The following PLEKHM3 variants were observed in gnomAD, a reference collection of about 807,000 sequenced individuals.
PLEKHM3 encodes pleckstrin homology domain-containing family M member 3.
Under a neutral mutation model 81.8 loss-of-function variants are expected in PLEKHM3, and 45 were observed. The ratio of observed to expected loss-of-function variants is 0.55; its 90% CI spans 0.43 to 0.71. The LOEUF (loss-of-function observed/expected upper bound fraction) is 0.71. PLEKHM3 is among the 30% of genes least tolerant of loss of function. The pLI is 0.00. For missense variants in PLEKHM3, 788 were observed against 924.3 expected (o/e 0.85, Z 1.91); for synonymous variants, 352 against 356.4 (o/e 0.99, Z 0.14).
At chr2:207,898,209 C>A (rs1156351314) in intron 6 of PLEKHM3, among the ~76,000 whole-genome samples, 1 of 152,164 alleles carries the variant, frequency 6.6e-6, no homozygotes, top group Non-Finnish European at 1.5e-5. Flanking sequence ...GTTTGGCCTG[C>A]AGAGTGTTTA....
chr2:207,865,801 A>AAAAATATATATATATAT, intron 6 of PLEKHM3, among the ~76,000 whole-genome samples: 1 of 25,290 alleles, frequency 4.0e-5, no homozygotes, highest in African/African-American at 2.1e-4. Context: ...AAAAAAAAAA[A>AAAAATATATATATATAT]AGATATATAT....
intron 7 of PLEKHM3, among the ~76,000 whole-genome samples, chr2:207,846,642 G>A (rs1242115545): frequency 6.6e-6 from 1 of 151,902 alleles, no homozygotes; most frequent in East Asian, 2.0e-4. Context: ...AGGATCGTTT[G>A]AGCCTGGGAG....
chr2:207,931,683 T>C (rs1265602064), intron 4 of PLEKHM3, among the ~76,000 whole-genome samples: 1 of 152,172 alleles, frequency 6.6e-6, no homozygotes, highest in Non-Finnish European at 1.5e-5. Flanking sequence ...AAAAAATAGG[T>C]AAATCAAGGC....
intron 1 of PLEKHM3, among the ~76,000 whole-genome samples, chr2:208,022,525 G>T (rs1693162230): frequency 6.6e-6 from 1 of 152,120 alleles, no homozygotes; most frequent in South Asian, 2.1e-4. Flanking sequence ...GTTCCTTGTG[G>T]CTTATGTCAG....
At chr2:207,888,719 T>C (rs767153966) in intron 6 of PLEKHM3, among the ~76,000 whole-genome samples, 13 of 152,206 alleles carry the variant, frequency 8.5e-5, no homozygotes, top group Non-Finnish European at 1.8e-4. Flanking sequence ...ATTATGTCTA[T>C]AAGCAATAAA....
At chr2:207,916,221 C>G (rs1688988759) in intron 5 of PLEKHM3, among the ~76,000 whole-genome samples, 1 of 152,054 alleles carries the variant, frequency 6.6e-6, no homozygotes, top group South Asian at 2.1e-4. Flanking sequence ...GTCCTTTTAC[C>G]TGCTTATTCA....
chr2:207,895,756 T>TTAC (rs1688205315), intron 6 of PLEKHM3, among the ~76,000 whole-genome samples: 2 of 152,234 alleles, frequency 1.3e-5, no homozygotes, highest in African/African-American at 4.8e-5. Context: ...CTGCATGTTC[T>TTAC]TACTGGCCAA....
At position 207,987,215 on chromosome 2, in the gene PLEKHM3, A is replaced by G. The variant is rs533638711; in HGVS notation, c.611-9629T>C. On this transcript the variant is annotated intron_variant, in intron 2 of 7. Coordinates refer to ENST00000427836, the MANE Select transcript of PLEKHM3 (RefSeq NM_001080475.3). Reference sequence around the variant, plus strand: ...GCTGCCAGCACTGCACTGACAGCCTAGAGCATGAGAGAATGTGGTTAGACT... The same window carrying G: ...GCTGCCAGCACTGCACTGACAGCCTGGAGCATGAGAGAATGTGGTTAGACT... Among the ~76,000 whole-genome samples, 164 of 152,310 alleles carry G rather than the reference A, an allele frequency of 1.1e-3. 1 individual carries two copies. Among genetic ancestry groups the G allele is most frequent in the Non-Finnish European group, 1.8e-3 (123 of 68,024 alleles).
chr2:207,871,543 T>A (rs1259854074), intron 6 of PLEKHM3, among the ~76,000 whole-genome samples: 1 of 152,142 alleles, frequency 6.6e-6, no homozygotes, highest in Non-Finnish European at 1.5e-5. Flanking sequence ...AATAAAAGAT[T>A]TAAAAAATTT....
At chr2:207,876,594 T>C (rs566316094) in intron 6 of PLEKHM3, among the ~76,000 whole-genome samples, 1 of 152,240 alleles carries the variant, frequency 6.6e-6, no homozygotes, top group Non-Finnish European at 1.5e-5. Context: ...GAATGACTTA[T>C]GCAGTGTCAA....
chr2:207,832,740 G>A (rs893071385), intron 7 of PLEKHM3, among the ~76,000 whole-genome samples: 4 of 151,128 alleles, frequency 2.6e-5, no homozygotes, highest in African/African-American at 7.3e-5. Context: ...GCAGAGAGCC[G>A]AGAAATTGCA....
intron 7 of PLEKHM3, among the ~76,000 whole-genome samples, chr2:207,841,411 T>C (rs1463813721): frequency 8.0e-6 from 1 of 125,270 alleles, no homozygotes; most frequent in Non-Finnish European, 1.6e-5. Context: ...ATCACGCCAT[T>C]GCACTCCAGC....
At chr2:207,983,496 A>G (rs1226099540) in intron 2 of PLEKHM3, among the ~76,000 whole-genome samples, 1 of 151,938 alleles carries the variant, frequency 6.6e-6, no homozygotes, top group Non-Finnish European at 1.5e-5. Context: ...GAGTATCACC[A>G]TTTCCCCAAA....
intron 3 of PLEKHM3, among the ~76,000 whole-genome samples, chr2:207,947,251 T>G (rs1231059660): frequency 6.6e-6 from 1 of 152,186 alleles, no homozygotes; most frequent in Admixed American, 6.5e-5. Context: ...TATATTCACA[T>G]GTATTACCTC....
intron 5 of PLEKHM3, among the ~76,000 whole-genome samples, chr2:207,927,534 A>G (rs1384583793): frequency 2.7e-5 from 4 of 149,266 alleles, no homozygotes; most frequent in Non-Finnish European, 4.4e-5. Flanking sequence ...AAAAAAAAAA[A>G]AAGAAGTGTG....
chr2:207,822,287 G>A lies in PLEKHM3; in HGVS notation c.*6032C>T, dbSNP rs192348345. ...CCCACTTCTTATTTGGAAAACAGGT[G>A]GCAAAATAAAAAGAAAACCTTTGAA... On this transcript the variant is annotated 3_prime_UTR_variant, in exon 8 of 8. Transcript: ENST00000427836. 1.3e-5 allele frequency: 2 copies of A among 152,702 alleles called. No individual in the cohort carries two copies. Among genetic ancestry groups the A allele is most frequent in the Admixed American group, 1.3e-4 (2 of 15,292 alleles). 9.5% of individuals were successfully genotyped at this position (152,702 alleles called of 1,614,324 possible). A position where few individuals can be genotyped will look rare whatever the true frequency, so the allele number is the denominator to read the frequency against.
chr2:207,947,942 T>C (rs2105971617), intron 3 of PLEKHM3, among the ~76,000 whole-genome samples: 1 of 152,330 alleles, frequency 6.6e-6, no homozygotes, highest in East Asian at 1.9e-4. Flanking sequence ...TCCCAGTGCA[T>C]CCTCTAGAAA....
intron 7 of PLEKHM3, among the ~76,000 whole-genome samples, chr2:207,836,318 T>TAAAAAA (rs34489704): frequency 7.6e-6 from 1 of 131,854 alleles, no homozygotes. Context: ...AGAGAGAGTC[T>TAAAAAA]AAAAAAAAAA....
At chr2:207,871,003 G>C (rs780462094) in intron 6 of PLEKHM3, among the ~76,000 whole-genome samples, 3 of 152,102 alleles carry the variant, frequency 2.0e-5, no homozygotes, top group Non-Finnish European at 4.4e-5. Flanking sequence ...AGCTACTTAG[G>C]AGGCTGAGGT....
Sources: gnomAD v4.1 joint callset for allele counts (sites outside exome capture counted in the v4.1 genomes callset) on GRCh38, gnomAD v4.1.1 for gene constraint, MANE v1.5 for transcripts, NCBI Gene and HGNC (gene_info 2026-07-23, HGNC 2026-07-21) for gene names.